Variants in ARRDC2 observed in about 807,000 individuals in gnomAD.
ARRDC2 encodes the protein arrestin domain-containing protein 2.
ARRDC2 carries 39 observed loss-of-function variants against 38.9 expected under a neutral mutation model. That is an observed-to-expected ratio of 1.00 (90% CI 0.78 to 1.31). The LOEUF (loss-of-function observed/expected upper bound fraction) is 1.31, where lower values mean the gene tolerates loss of function less well. ARRDC2 is among the 50% of genes most tolerant of loss of function. The pLI, the probability that ARRDC2 is intolerant of heterozygous loss-of-function variation, is 0.00. For missense variants in ARRDC2, 553 were observed against 588.4 expected, an observed-to-expected ratio of 0.94 and a Z score of 0.62; for synonymous variants, 300 against 261.9, an observed-to-expected ratio of 1.15 and a Z score of -1.41.
chr19:18,005,960 G>T (rs1198374997), upstream of ARRDC2, among the ~76,000 whole-genome samples: 2 of 151,682 alleles, frequency 1.3e-5, no homozygotes, highest in South Asian at 2.1e-4. Flanking sequence ...GGTCGCGGCC[G>T]GGCCGAGGCT....
chr19:18,003,159 A>C (rs570719035), intron 1 of ARRDC2, among the ~76,000 whole-genome samples: 1 of 152,076 alleles, frequency 6.6e-6, no homozygotes, highest in Non-Finnish European at 1.5e-5. Context: ...TGGTGGGTCC[A>C]CCTGTGGTCC....
At chr19:18,008,115 G>GGCCCCC, upstream of ARRDC2, 3 of 810,032 alleles carry the variant, frequency 3.7e-6, no homozygotes, top group Non-Finnish European at 5.1e-6. Flanking sequence ...AAGAGACGGT[G>GGCCCCC]ACCCCACCCC....
In ARRDC2 at chr19:18,008,591, A is replaced by T; in HGVS notation, c.274+7A>T. The T allele has an allele frequency of 6.3e-7, 1 of 1,591,838 alleles. No individual in the cohort carries two copies. Among genetic ancestry groups the T allele is most frequent in the South Asian group, 1.1e-5 (1 of 90,506 alleles). Reference sequence around the variant, plus strand: ...GCCACGCTCCTGGCGCCAGGTACGGATGGAGGACCCCTGCTCCAACACCAG... The same window carrying T: ...GCCACGCTCCTGGCGCCAGGTACGGTTGGAGGACCCCTGCTCCAACACCAG... On this transcript the variant is annotated splice_region_variant and intron_variant, in intron 1 of 7. Transcript: ENST00000222250.
chr19:18,008,132 C>T, upstream of ARRDC2: 2 of 1,268,370 alleles, frequency 1.6e-6, no homozygotes, highest in Non-Finnish European at 2.0e-6. Flanking sequence ...CCCCCCCCCG[C>T]CCTGCCGTAT....
chr19:18,005,962 G>C (rs1274606064), upstream of ARRDC2, among the ~76,000 whole-genome samples: 2 of 151,758 alleles, frequency 1.3e-5, no homozygotes, highest in African/African-American at 4.8e-5. Context: ...TCGCGGCCGG[G>C]CCGAGGCTCT....
rs1451938414 is a variant in ARRDC2 at position 18,009,691 on chromosome 19, C to G, written c.589C>G (p.Pro197Ala). ...SAKIDRKGYT[P>A]GEVIPVFAEI... ...CAAGATCGACCGCAAGGGCTACACC[C>G]CAGGTAGCAGGCGGACCGGACTGGG... Residue 197 changes from proline to alanine, a missense_variant, in exon 4 of 8, where the codon CCA (proline) becomes GCA (alanine). By Grantham distance (27) the Pro-to-Ala change is conservative. Around this residue, in one of 3 missense-constraint regions of ARRDC2, gnomAD observed 447 missense variants for 456.6 expected, o/e 0.98. Coordinates refer to ENST00000222250, the MANE Select transcript of ARRDC2 (RefSeq NM_015683.2). The G allele has an allele frequency of 6.2e-7, 1 of 1,611,976 alleles. No individual in the cohort carries two copies. Among genetic ancestry groups the G allele is most frequent in the African/African-American group, 1.3e-5 (1 of 74,886 alleles).
At chr19:18,011,239 G>A (rs945268991) in intron 7 of ARRDC2, among the ~76,000 whole-genome samples, 1 of 152,062 alleles carries the variant, frequency 6.6e-6, no homozygotes, top group Admixed American at 6.6e-5. Flanking sequence ...CTCAGGTGAT[G>A]GCCTGCCTCG....
upstream of ARRDC2, among the ~76,000 whole-genome samples, chr19:18,004,802 C>T (rs2033239792): frequency 6.6e-6 from 1 of 151,354 alleles, no homozygotes; most frequent in South Asian, 2.1e-4. Context: ...GAGTTCAAGA[C>T]CAGCCTGGGC....
At position 18,011,952 on chromosome 19, in the gene ARRDC2, ATTTTTT is replaced by A. The variant is rs71164342; in HGVS notation, c.1171-944_1171-939del. Reference sequence around the variant, plus strand: ...TATATGTGTATATATATATATATATATTTTTTTTTTTTTTTTTTTTTTGAGATGGAG... The same window carrying A: ...TATATGTGTATATATATATATATATATTTTTTTTTTTTTTTTGAGATGGAG... On this transcript the variant is annotated intron_variant, in intron 7 of 7. Transcript: ENST00000222250. 1.7e-3 allele frequency among the ~76,000 whole-genome samples: 176 copies of A among 100,748 alleles called. 2 individuals carry two copies. The highest frequency in any genetic ancestry group is 7.2e-3 in the African/African-American group (168 of 23,448). 66.1% of individuals were successfully genotyped at this position (100,748 alleles called of 152,430 possible). A position where few individuals can be genotyped will look rare whatever the true frequency, so the allele number is the denominator to read the frequency against.
intron 1 of ARRDC2, chr19:18,001,612 CCCCCT>C: frequency 7.7e-7 from 1 of 1,296,810 alleles, no homozygotes; most frequent in Non-Finnish European, 9.8e-7. Flanking sequence ...GCAGCCGGGA[CCCCCT>C]CGGCCGCGAC....
chr19:18,010,758 T>A lies in ARRDC2; in HGVS notation c.1170+29T>A, dbSNP rs755608935. On this transcript the variant is annotated intron_variant, in intron 7 of 7. Transcript: ENST00000222250. ...AGCTCAGGGGTCTGAGAACCACCCA[T>A]GCCTCTCTGGGCCCTGGGAGCCTTG... The A allele has an allele frequency of 1.0e-5, 16 of 1,607,656 alleles. No individual in the cohort carries two copies. The East Asian group carries it at 3.6e-4, about 36-fold the overall frequency.
chr19:18,010,809 G>GT (rs1002988648), intron 7 of ARRDC2, 80 bp downstream of exon 7: 58 of 1,455,798 alleles, frequency 4.0e-5, no homozygotes, highest in Middle Eastern at 3.6e-4. Flanking sequence ...TAGTAGATGG[G>GT]TTTTTTTTGT....
chr19:18,010,357 G>A lies in ARRDC2; in HGVS notation c.1011G>A (p.Glu337=), dbSNP rs749111076. Residue 337 remains glutamate, a splice_region_variant and synonymous_variant, in exon 6 of 8, where the codon GAG becomes GAA. Coordinates refer to ENST00000222250, the MANE Select transcript of ARRDC2 (RefSeq NM_015683.2). ...WRLGALPERP[E]APPEYSEVVA... The stretch of plus-strand genomic sequence containing the variant: ...TGGGGGCCTTGCCGGAGCGGCCTGA[G>A]GGTAAGCTCCCACCCTGCTTGCATG... The A allele has an allele frequency of 6.2e-7, 1 of 1,607,996 alleles. No individual in the cohort carries two copies. The highest frequency in any genetic ancestry group is 8.5e-7 in the Non-Finnish European group (1 of 1,179,506).
intron 1 of ARRDC2, among the ~76,000 whole-genome samples, chr19:18,001,965 A>G (rs1360732200): frequency 2.6e-5 from 4 of 152,152 alleles, no homozygotes; most frequent in African/African-American, 9.7e-5. Context: ...ACGTCTACCC[A>G]GGGTCTGGGT....
intron 1 of ARRDC2, chr19:18,001,599 G>C (rs1599390954): frequency 7.7e-7 from 1 of 1,301,608 alleles, no homozygotes; most frequent in Non-Finnish European, 9.8e-7. Flanking sequence ...CGCCGCCCCC[G>C]CAGCAGCCGG....
upstream of ARRDC2, chr19:18,008,139 GTAT>G: frequency 3.3e-6 from 1 of 299,804 alleles, no homozygotes; most frequent in Non-Finnish European, 5.2e-6. Flanking sequence ...CCGCCCTGCC[GTAT>G]AAAAGCGGCG....
In ARRDC2 at chr19:18,012,920, C is replaced by T; in HGVS notation, c.1178C>T (p.Pro393Leu). ...TGGGAACATTTCTCTTAGGAGGATC[C>T]AAACCCACTCTTGGGGGACATGAGG... ...RPPPLYSEED[P>L]NPLLGDMRPR... Residue 393 changes from proline to leucine, a missense_variant, in exon 8 of 8, where the codon CCA becomes CTA. Coordinates refer to ENST00000222250, the MANE Select transcript of ARRDC2 (RefSeq NM_015683.2). 1 of 1,613,922 alleles carries T rather than the reference C, an allele frequency of 6.2e-7. No homozygotes were observed. The highest frequency in any genetic ancestry group is 8.5e-7 in the Non-Finnish European group (1 of 1,179,926).
At position 18,009,909 on chromosome 19, in the gene ARRDC2, T is replaced by C. The variant is rs2033372851; in HGVS notation, c.719T>C (p.Val240Ala). 2 of 1,608,072 alleles carry C rather than the reference T, an allele frequency of 1.2e-6. No individual in the cohort carries two copies. The highest frequency in any genetic ancestry group is 1.3e-5 in the African/African-American group (1 of 74,880). Residue 240 changes from valine (V) to alanine (A), a missense_variant, in exon 5 of 8, where the codon GTG (valine) becomes GCG (alanine). Val to Ala is a moderately conservative substitution (Grantham distance 64, BLOSUM62 0). Around this residue, in one of 3 missense-constraint regions of ARRDC2, gnomAD observed 447 missense variants for 456.6 expected, o/e 0.98. Coordinates refer to ENST00000222250, the MANE Select transcript of ARRDC2 (RefSeq NM_015683.2). The part of the protein sequence containing the change: ...RGARKQKRAV[V>A]ASLAGEPVGP... Reference sequence around the variant, plus strand: ...GCCCGAAAGCAGAAACGGGCAGTGGTGGCCAGCCTCGCGGGCGAGCCGGTG... The same window carrying C: ...GCCCGAAAGCAGAAACGGGCAGTGGCGGCCAGCCTCGCGGGCGAGCCGGTG...
At chr19:18,012,780 G>T in intron 7 of ARRDC2, 133 bp from the exon 8 acceptor site, 2 of 879,524 alleles carry the variant, frequency 2.3e-6, no homozygotes, top group South Asian at 3.2e-5. Context: ...ACCCCAGTCT[G>T]CCCTAGACAC....
Sources: allele counts gnomAD v4.1 joint callset (sites outside exome capture counted in the v4.1 genomes callset), GRCh38; gene constraint gnomAD v4.1.1; regional missense constraint gnomAD v4.1.1; transcripts MANE v1.5; gene names NCBI Gene and HGNC (gene_info 2026-07-23, HGNC 2026-07-21).